MAP3K15: variants seen among roughly 807,000 people sequenced by gnomAD.
The protein encoded by MAP3K15 is MAPK/ERK kinase kinase 15.
Under a neutral mutation model 99.5 loss-of-function variants are expected in MAP3K15, and 124 were observed. The observed-to-expected ratio is 1.25, with a 90% CI of 1.08 to 1.45. The LOEUF is 1.45. MAP3K15 is among the 40% of genes most tolerant of loss of function. The probability of loss-of-function intolerance (pLI) is 0.00; values close to 1 mark genes in which losing one functional copy is unlikely to be tolerated. For synonymous variants in MAP3K15, 494 were observed against 439.6 expected (o/e 1.12, Z -1.55); for missense variants, 1,242 against 1,079.7 (o/e 1.15, Z -2.11).
chrX:19,425,833 A>G (rs370776279), intron 8 of MAP3K15, 143 bp from the exon 9 acceptor site: 2 of 609,974 alleles, frequency 3.3e-6, no homozygotes, highest in Non-Finnish European at 4.8e-6. Context: ...ATATAATTCT[A>G]GTAGTACGGG....
intron 2 of MAP3K15, among the ~76,000 whole-genome samples, chrX:19,488,122 G>C (rs759928777): frequency 9.0e-6 from 1 of 111,677 alleles, no homozygotes; most frequent in East Asian, 2.8e-4. Context: ...ACATAGGCCA[G>C]GATTTTCTGA....
intron 20 of MAP3K15, 45 bp from the exon 21 acceptor site, chrX:19,373,740 G>A: frequency 8.6e-7 from 1 of 1,161,450 alleles, no homozygotes; most frequent in African/African-American, 1.7e-5. Context: ...CTCAGAGAGG[G>A]ACGGGGTGGA....
chrX:19,459,900 C>A (rs1465917629), intron 5 of MAP3K15, 85 bp downstream of exon 5: 7 of 721,169 alleles, frequency 9.7e-6, no homozygotes, highest in Non-Finnish European at 1.3e-5. Context: ...TCACCACATA[C>A]TGAGTATACA....
rs1270054619 is a variant in MAP3K15, at chrX:19,415,255, T to C, written c.1442A>G (p.Tyr481Cys). The C allele has an allele frequency of 1.7e-6, 2 of 1,164,307 alleles. No homozygotes were observed. The highest frequency in any genetic ancestry group is 2.3e-6 in the Non-Finnish European group (2 of 878,501). The change falls in exon 10 of 29, where the codon TAC becomes TGC. Residue 481 changes from tyrosine to cysteine, a missense_variant and splice_region_variant. Coordinates refer to ENST00000338883, the MANE Select transcript of MAP3K15 (RefSeq NM_001001671.4). ...CAAGTTCTGAACTAATGATCGCAGGTACCTGGAAAAATCACAAACAGCAAT... is the reference window on the plus strand; with the variant it reads ...CAAGTTCTGAACTAATGATCGCAGGCACCTGGAAAAATCACAAACAGCAAT... ...RLFKLKPPVW[Y>C]LRSLVQNLLL...
At chrX:19,390,135 G>A (rs966767893) in intron 18 of MAP3K15, among the ~76,000 whole-genome samples, 4 of 110,158 alleles carry the variant, frequency 3.6e-5, no homozygotes, top group East Asian at 2.8e-4. Flanking sequence ...TGGCTGACAC[G>A]CGACAACTCT....
intron 6 of MAP3K15, among the ~76,000 whole-genome samples, chrX:19,443,036 T>TTC (rs2063971248): frequency 1.5e-5 from 1 of 67,216 alleles, no homozygotes; most frequent in Non-Finnish European, 2.8e-5. Flanking sequence ...TTTTTTTTTT[T>TTC]TTTTTTTTTT....
chrX:19,394,416 A>C (rs1456655487), intron 16 of MAP3K15, among the ~76,000 whole-genome samples: 3 of 111,796 alleles, frequency 2.7e-5, no homozygotes, highest in African/African-American at 9.8e-5. Flanking sequence ...ATTTGCCTGA[A>C]GTCACACAGC....
chrX:19,438,153 T>A (rs2063935583), intron 6 of MAP3K15, among the ~76,000 whole-genome samples: 1 of 111,708 alleles, frequency 9.0e-6, no homozygotes, highest in Admixed American at 9.6e-5. Context: ...GTTGCCCAAG[T>A]GGAATGCACT....
intron 3 of MAP3K15, among the ~76,000 whole-genome samples, chrX:19,485,707 G>A (rs2064320097): frequency 9.1e-6 from 1 of 110,471 alleles, no homozygotes; most frequent in Admixed American, 9.7e-5. Flanking sequence ...GAGTCTGTAG[G>A]CCTGTTCCTT....
chrX:19,503,069 C>T (rs1008883988), intron 1 of MAP3K15, among the ~76,000 whole-genome samples: 1 of 111,117 alleles, frequency 9.0e-6, no homozygotes, highest in Admixed American at 9.6e-5. Flanking sequence ...TAGAGAGAAG[C>T]GGGCAAATCT....
At chrX:19,368,292 G>A (rs1370235997) in intron 25 of MAP3K15, among the ~76,000 whole-genome samples, 6 of 111,466 alleles carry the variant, frequency 5.4e-5, no homozygotes, top group Admixed American at 2.8e-4. Context: ...ACAGGCGTGC[G>A]CCACCATACC....
Position 19,361,508 on chromosome X carries a change from T to G in MAP3K15, c.3765A>C (p.Ala1255=). The G allele has an allele frequency of 8.3e-7, 1 of 1,210,603 alleles. No homozygotes were observed. Among genetic ancestry groups the G allele is most frequent in the Non-Finnish European group, 1.1e-6 (1 of 894,220 alleles). ...IDWLRLQGAD[A]KTIEKIVEEG... ...GTAAATTTACCTTTTCAATTGTCTT[T>G]GCATCAGCTCCTTGCAGCCGCAACC... Residue 1255 remains alanine, a synonymous_variant, in exon 27 of 29, where the codon GCA becomes GCC. Transcript: ENST00000338883.
intron 1 of MAP3K15, chrX:19,497,662 C>T (rs2064415596): frequency 9.0e-6 from 1 of 111,237 alleles, no homozygotes; most frequent in Non-Finnish European, 1.9e-5. Flanking sequence ...ATTTATTCTA[C>T]ATTTCTTTTA....
intron 1 of MAP3K15, among the ~76,000 whole-genome samples, chrX:19,513,244 TAC>T (rs897056312): frequency 9.0e-6 from 1 of 111,156 alleles, no homozygotes; most frequent in Non-Finnish European, 1.9e-5. Flanking sequence ...GGGCCCCCCG[TAC>T]ACACACACTC....
In MAP3K15 at chrX:19,371,003, ATGT is replaced by A. The variant is rs1325835159; in HGVS notation, c.3353_3355del (p.Asn1118del). On this transcript the variant is annotated inframe_deletion, in exon 24 of 29. Transcript: ENST00000338883. Reference sequence around the variant, plus strand: ...CGCGGCCTGCACCGCTCGGCGGATGATGTTGTCCATCGCGAACATCCAGTGGGG... The same window carrying A: ...CGCGGCCTGCACCGCTCGGCGGATGATGTCCATCGCGAACATCCAGTGGGG... 8.6e-7 allele frequency: 1 copy of A among 1,169,073 alleles called. No homozygotes were observed. Among genetic ancestry groups the A allele is most frequent in the Non-Finnish European group, 1.1e-6 (1 of 882,021 alleles).
At chrX:19,486,709 G>A (rs1347333783) in intron 2 of MAP3K15, among the ~76,000 whole-genome samples, 1 of 111,189 alleles carries the variant, frequency 9.0e-6, no homozygotes, top group Non-Finnish European at 1.9e-5. Flanking sequence ...TTGCAACATT[G>A]ATATTCCAAA....
At position 19,384,749 on chromosome X, in the gene MAP3K15, GAAAAAAAAAAAAAAAAAA is replaced by G. The variant is rs34619145; in HGVS notation, c.2432-4490_2432-4473del. On this transcript the variant is annotated intron_variant, in intron 18 of 28. Coordinates refer to ENST00000338883, the MANE Select transcript of MAP3K15 (RefSeq NM_001001671.4). ...ATGGGAGTGAGACCTTGTCTCAGGG[GAAAAAAAAAAAAAAAAAA>G]AAAAAAAAAAAAACTGTACATTTTA... 9.3e-4 allele frequency among the ~76,000 whole-genome samples: 21 copies of G among 22,556 alleles called. No homozygotes were observed. In the South Asian group the frequency reaches 0.069, roughly 74 times the overall value. The allele number at this position is 22,556 out of a possible 115,157, so 19.6% of individuals were successfully genotyped here. A position where few individuals can be genotyped will look rare whatever the true frequency, so the allele number is the denominator to read the frequency against.
chrX:19,362,992 G>A (rs767667990), intron 25 of MAP3K15, 142 bp from the exon 26 acceptor site: 3 of 382,864 alleles, frequency 7.8e-6, no homozygotes, highest in Non-Finnish European at 1.4e-5. Flanking sequence ...CCTAGAGAGG[G>A]AAGCACATGT....
At chrX:19,409,865 A>G in intron 12 of MAP3K15, 59 bp downstream of exon 12, 1 of 937,764 alleles carries the variant, frequency 1.1e-6, no homozygotes, top group South Asian at 2.1e-5. Flanking sequence ...ATTAAAGTGC[A>G]TAAAACATTA....
Sources: gnomAD v4.1 joint callset for allele counts (sites outside exome capture counted in the v4.1 genomes callset) on GRCh38, gnomAD v4.1.1 for gene constraint, MANE v1.5 for transcripts, NCBI Gene and HGNC (gene_info 2026-07-23, HGNC 2026-07-21) for gene names.